The following FRMD8 variants were observed in gnomAD, a reference collection of about 807,000 sequenced individuals.
The protein encoded by FRMD8 is FERM domain-containing protein 8.
A neutral mutation model predicts 54.2 loss-of-function variants in FRMD8; 37 were observed. That is an observed-to-expected ratio of 0.68 (90% CI 0.53 to 0.90). The LOEUF (loss-of-function observed/expected upper bound fraction) is 0.90, where lower values mean the gene tolerates loss of function less well. FRMD8 is among the 40% of genes least tolerant of loss of function. The pLI, the probability that FRMD8 is intolerant of heterozygous loss-of-function variation, is 0.00. For missense variants in FRMD8, 585 were observed against 653.7 expected, an observed-to-expected ratio of 0.89 and a Z score of 1.15; for synonymous variants, 246 against 286.9, an observed-to-expected ratio of 0.86 and a Z score of 1.44.
In FRMD8 at chr11:65,400,993, G is replaced by T; in HGVS notation, c.1071+126G>T. 1 of 1,100,728 alleles carries T rather than the reference G, an allele frequency of 9.1e-7. No individual in the cohort carries two copies. Among genetic ancestry groups the T allele is most frequent in the Non-Finnish European group, 1.3e-6 (1 of 790,456 alleles). 68.2% of individuals were successfully genotyped at this position (1,100,728 alleles called of 1,614,324 possible). A position where few individuals can be genotyped will look rare whatever the true frequency, so the allele number is the denominator to read the frequency against. On this transcript the variant is annotated intron_variant, in intron 9 of 10. Coordinates refer to ENST00000317568, the MANE Select transcript of FRMD8 (RefSeq NM_031904.5). The surrounding 1 kb of genome is among the most constrained non-coding windows in gnomAD (Gnocchi z 4.3). ...AGCTGCCTTGGGCCTGAGGATGAAA[G>T]CGGCCTGGGCACAAGGGGTGCCTTG...
chr11:65,380,124 A>C, the FRMD8 span: 2 of 1,613,594 alleles, frequency 1.2e-6, no homozygotes, highest in East Asian at 4.5e-5. Context: ...CAGCTCTCCT[A>C]AACTCACCTT....
In FRMD8 at chr11:65,393,659, G is replaced by A. The variant is rs1270578962; in HGVS notation, c.340G>A (p.Asp114Asn). ...LLLRFTSAPDDDVAMDEPFLQ... is the reference protein window; with the variant it reads ...LLLRFTSAPDNDVAMDEPFLQ... ...GCTGCGCTTCACCAGTGCCCCAGAC[G>A]ATGACGTGGCCATGGGTCAGTGCTG... The change falls in exon 4 of 11, where the codon GAT (aspartate) becomes AAT (asparagine). Residue 114 changes from aspartate (D) to asparagine (N), a missense_variant. Physicochemically the swap from Asp to Asn is conservative, Grantham distance 23. Transcript: ENST00000317568. The A allele has an allele frequency of 1.2e-6, 2 of 1,605,402 alleles. No homozygotes were observed. Among genetic ancestry groups the A allele is most frequent in the African/African-American group, 1.3e-5 (1 of 74,930 alleles).
rs769684969 is a variant in FRMD8, at chr11:65,394,417, C to T, written c.573C>T (p.Cys191=). ...ACCAGCCCGGCCGGCCGGCAGCCTG[C>T]GACCTGAGGTGAGGGCCTGTGTGAC... is the stretch of plus-strand genomic sequence containing the variant. ...GPYQPGRPAA[C]DLREKLDSFL... Residue 191 remains cysteine, a synonymous_variant, in exon 6 of 11, where the codon TGC becomes TGT. Coordinates refer to ENST00000317568, the MANE Select transcript of FRMD8 (RefSeq NM_031904.5). The T allele has an allele frequency of 1.5e-5, 23 of 1,566,644 alleles. No homozygotes were observed. The highest frequency in any genetic ancestry group is 4.1e-5 in the African/African-American group (3 of 74,044).
intron 3 of FRMD8, among the ~76,000 whole-genome samples, chr11:65,391,421 G>T (rs531098661): frequency 6.6e-6 from 1 of 152,212 alleles, no homozygotes; most frequent in African/African-American, 2.4e-5. Context: ...CCACAAGGAC[G>T]TGCAAAGCCT....
At chr11:65,392,096 C>T (rs1025660644) in intron 3 of FRMD8, among the ~76,000 whole-genome samples, 1 of 152,178 alleles carries the variant, frequency 6.6e-6, no homozygotes, top group Non-Finnish European at 1.5e-5. Flanking sequence ...TGGTGTTTCC[C>T]TACTGGAGGT....
At chr11:65,374,013 A>AT in the FRMD8 span, among the ~76,000 whole-genome samples, 4 of 113,238 alleles carry the variant, frequency 3.5e-5, no homozygotes, top group Non-Finnish European at 7.4e-5. Flanking sequence ...ACAAGGGCCT[A>AT]AACTGTTGCA....
At chr11:65,368,067 G>GTTTTTTTTTTTTTTTTTT in the FRMD8 span, 2 of 72,784 alleles carry the variant, frequency 2.7e-5, 1 homozygote. Context: ...ATTTTTTTTG[G>GTTTTTTTTTTTTTTTTTT]TGTTTTTTTT....
chr11:65,379,769 C>T, the FRMD8 span: 5 of 1,498,810 alleles, frequency 3.3e-6, no homozygotes, highest in Admixed American at 8.9e-5. Flanking sequence ...GGTCTTCTCT[C>T]CTCCAGGAGC....
chr11:65,376,797 C>T, the FRMD8 span: 2 of 1,614,234 alleles, frequency 1.2e-6, no homozygotes, highest in Non-Finnish European at 1.7e-6. Context: ...GTCCCCCATC[C>T]TCTCACGCCA....
chr11:65,377,327 A>G, the FRMD8 span: 2 of 1,355,984 alleles, frequency 1.5e-6, no homozygotes, highest in Non-Finnish European at 1.9e-6. Context: ...ACAGTGACCA[A>G]CTTGCCTGGC....
chr11:65,409,376 C>T (rs1400747234), intron 10 of FRMD8, among the ~76,000 whole-genome samples: 4 of 152,214 alleles, frequency 2.6e-5, no homozygotes, highest in Non-Finnish European at 5.9e-5. Context: ...AATAAGCCAC[C>T]GTGCCCGGCC....
At chr11:65,382,115 G>A, upstream of FRMD8, 1 of 673,282 alleles carries the variant, frequency 1.5e-6, no homozygotes. This position sits in a 1 kb window ranked among gnomAD's most constrained non-coding sequence, Gnocchi z 4.4. Flanking sequence ...GCAGAGGAGA[G>A]CGAGCCAGTT....
intron 6 of FRMD8, among the ~76,000 whole-genome samples, chr11:65,396,393 G>A (rs561626376): frequency 5.3e-5 from 8 of 152,186 alleles, no homozygotes; most frequent in African/African-American, 1.4e-4. Context: ...CAGAGGGACA[G>A]CCCCAGGTGG....
the FRMD8 span, chr11:65,381,371 C>G: frequency 6.5e-6 from 1 of 154,362 alleles, no homozygotes; most frequent in African/African-American, 2.4e-5. Context: ...CCTCATGATC[C>G]ACCTACCTCA....
At chr11:65,388,902 A>G (rs762070130) in intron 2 of FRMD8, among the ~76,000 whole-genome samples, 1 of 152,200 alleles carries the variant, frequency 6.6e-6, no homozygotes, top group Non-Finnish European at 1.5e-5. Context: ...CAGCCAGACT[A>G]ACTGCCATAG....
chr11:65,380,701 G>T, the FRMD8 span: 2 of 897,246 alleles, frequency 2.2e-6, no homozygotes, highest in African/African-American at 1.7e-5. Context: ...CCACTGCCTA[G>T]CCCTGCCCTC....
chr11:65,384,821 T>G (rs2137845448), upstream of FRMD8, among the ~76,000 whole-genome samples: 1 of 152,296 alleles, frequency 6.6e-6, no homozygotes, highest in African/African-American at 2.4e-5. Context: ...CCAGCGATCC[T>G]CCCACCTCAG....
intron 3 of FRMD8, among the ~76,000 whole-genome samples, chr11:65,390,731 T>C (rs917351512): frequency 1.3e-5 from 2 of 152,196 alleles, no homozygotes; most frequent in African/African-American, 4.8e-5. Flanking sequence ...GTCTGAAAGC[T>C]GGGGGTACAG....
chr11:65,369,665 T>C, the FRMD8 span, among the ~76,000 whole-genome samples: 1 of 150,994 alleles, frequency 6.6e-6, no homozygotes, highest in African/African-American at 2.4e-5. Context: ...GGGAGGTGGG[T>C]TACATGAGCC....
Sources: allele counts gnomAD v4.1 joint callset (sites outside exome capture counted in the v4.1 genomes callset), GRCh38; gene constraint gnomAD v4.1.1; non-coding constraint Gnocchi (gnomAD v3.1); transcripts MANE v1.5; gene names NCBI Gene and HGNC (gene_info 2026-07-23, HGNC 2026-07-21).